Variants in NEK11 observed in about 807,000 individuals in gnomAD.
NEK11 encodes serine/threonine-protein kinase Nek11.
Under a neutral mutation model 80.7 loss-of-function variants are expected in NEK11, and 72 were observed. That is an observed-to-expected ratio of 0.89 (90% CI 0.74 to 1.08). The LOEUF (loss-of-function observed/expected upper bound fraction) is 1.08, where lower values mean the gene tolerates loss of function less well. NEK11 is among the 50% of genes least tolerant of loss of function. The pLI is 0.00. For missense variants in NEK11, 764 were observed against 763.6 expected (o/e 1.00, Z -0.01); for synonymous variants, 251 against 260.7 (o/e 0.96, Z 0.36).
chr3:131,111,779 T>A (rs2080175675), intron 5 of NEK11, among the ~76,000 whole-genome samples: 1 of 152,186 alleles, frequency 6.6e-6, no homozygotes. Context: ...ATAATAGGAC[T>A]CTCCTTGCTT....
Position 131,168,932 on chromosome 3 carries a change from G to C in NEK11, c.1279G>C (p.Glu427Gln). 6.2e-7 allele frequency: 1 copy of C among 1,613,060 alleles called. No individual in the cohort carries two copies. Among genetic ancestry groups the C allele is most frequent in the Non-Finnish European group, 8.5e-7 (1 of 1,179,212 alleles). Residue 427 changes from glutamate (E) to glutamine (Q), a missense_variant, in exon 13 of 18, where the codon GAA (glutamate) becomes CAA (glutamine). Glu to Gln is a conservative substitution (Grantham distance 29). Transcript: ENST00000383366. The stretch of plus-strand genomic sequence containing the variant: ...GGATGAAGAGAGGTGGCAAGGCAGG[G>C]AAGAGGCAAGTTTAATCATATTCAC... ...DEDEERWQGR[E>Q]EESDEPTLEN... is the part of the protein sequence containing the mutation.
chr3:131,175,146 T>A (rs550221864), intron 14 of NEK11: 1 of 973,092 alleles, frequency 1.0e-6, no homozygotes, highest in Non-Finnish European at 1.2e-6. Flanking sequence ...AAATATGTTA[T>A]GTTTTTATTG....
chr3:131,219,969 C>T (rs1412520606), intron 14 of NEK11, among the ~76,000 whole-genome samples: 3 of 152,186 alleles, frequency 2.0e-5, no homozygotes, highest in Non-Finnish European at 4.4e-5. Flanking sequence ...CAATAAGCAA[C>T]GGAGGCAGAA....
chr3:131,195,485 T>A (rs1306136248), intron 14 of NEK11, among the ~76,000 whole-genome samples: 1 of 152,138 alleles, frequency 6.6e-6, no homozygotes, highest in Admixed American at 6.6e-5. Context: ...ACCATGTACC[T>A]AGTTCATGCC....
At chr3:131,127,307 G>C (rs1467795760) in intron 5 of NEK11, among the ~76,000 whole-genome samples, 1 of 151,738 alleles carries the variant, frequency 6.6e-6, no homozygotes, top group African/African-American at 2.4e-5. Context: ...CACCTCAGTT[G>C]AAATACTTTT....
At chr3:131,128,318 T>C (rs764628069) in intron 5 of NEK11, among the ~76,000 whole-genome samples, 11 of 152,206 alleles carry the variant, frequency 7.2e-5, no homozygotes, top group Non-Finnish European at 1.5e-4. Context: ...TTACTCATTC[T>C]TCCCTCCCTC....
chr3:131,093,509 C>A (rs570798050), intron 4 of NEK11, among the ~76,000 whole-genome samples: 1 of 152,032 alleles, frequency 6.6e-6, no homozygotes, highest in African/African-American at 2.4e-5. Context: ...GTGCAATCTC[C>A]GCCTCCTCAG....
intron 3 of NEK11, among the ~76,000 whole-genome samples, chr3:131,036,528 T>G (rs2065674427): frequency 2.0e-5 from 3 of 152,228 alleles, no homozygotes; most frequent in Admixed American, 2.0e-4. Flanking sequence ...CTGCAATAAC[T>G]TGTGAAAGAA....
chr3:131,061,373 G>A (rs1444505227), intron 3 of NEK11, among the ~76,000 whole-genome samples: 1 of 152,158 alleles, frequency 6.6e-6, no homozygotes, highest in African/African-American at 2.4e-5. Context: ...CTTGCATTGG[G>A]TAGAATGTAG....
chr3:131,305,098 T>C, intron 17 of NEK11, among the ~76,000 whole-genome samples: 1 of 151,148 alleles, frequency 6.6e-6, no homozygotes, highest in East Asian at 1.9e-4. Context: ...TGCCCACACA[T>C]TGGTGGAGGG....
intron 3 of NEK11, among the ~76,000 whole-genome samples, chr3:131,051,454 G>T (rs1440242607): frequency 6.6e-6 from 1 of 152,186 alleles, no homozygotes; most frequent in Non-Finnish European, 1.5e-5. Context: ...ATCCCAAACT[G>T]TCAAACAAGT....
At chr3:131,099,922 A>T (rs1419439728) in intron 4 of NEK11, among the ~76,000 whole-genome samples, 2 of 152,154 alleles carry the variant, frequency 1.3e-5, no homozygotes, top group Admixed American at 1.3e-4. Context: ...AAAGAGAGAT[A>T]GCTGACTTCG....
intron 3 of NEK11, among the ~76,000 whole-genome samples, chr3:131,043,379 G>A (rs926925333): frequency 5.9e-5 from 9 of 152,190 alleles, no homozygotes; most frequent in Non-Finnish European, 1.3e-4. Context: ...AATTAGAGGA[G>A]TTGCTAACTA....
At chr3:131,115,907 TTTCTTTCTTTC>T (rs1313119530) in intron 5 of NEK11, among the ~76,000 whole-genome samples, 145 of 27,988 alleles carry the variant, frequency 5.2e-3, no homozygotes, top group Admixed American at 8.1e-3. Context: ...TAGTGTTTTC[TTTCTTTCTTTC>T]TTTCTTTCTT....
intron 14 of NEK11, among the ~76,000 whole-genome samples, chr3:131,213,549 G>C (rs1288154443): frequency 2.6e-5 from 4 of 152,120 alleles, no homozygotes; most frequent in African/African-American, 9.7e-5. Flanking sequence ...AGGAGGGAGA[G>C]GCCGCCTATG....
At chr3:131,246,260 C>G (rs1451549831) in intron 16 of NEK11, among the ~76,000 whole-genome samples, 1 of 152,078 alleles carries the variant, frequency 6.6e-6, no homozygotes, top group Non-Finnish European at 1.5e-5. Flanking sequence ...CCTCCCTCAC[C>G]CTTTCCCCAC....
At chr3:131,271,538 T>C (rs2096184828) in intron 16 of NEK11, among the ~76,000 whole-genome samples, 1 of 152,196 alleles carries the variant, frequency 6.6e-6, no homozygotes, top group African/African-American at 2.4e-5. Context: ...CTCACGCCTG[T>C]AATCCCAGCA....
At chr3:131,246,467 G>A (rs1271571888) in intron 16 of NEK11, among the ~76,000 whole-genome samples, 2 of 152,120 alleles carry the variant, frequency 1.3e-5, no homozygotes, top group Non-Finnish European at 2.9e-5. Context: ...ATTCCGTGGT[G>A]TGTGTACCAC....
At chr3:131,075,419 C>G (rs566803812) in intron 3 of NEK11, among the ~76,000 whole-genome samples, 1 of 151,756 alleles carries the variant, frequency 6.6e-6, no homozygotes, top group South Asian at 2.1e-4. Context: ...CTTTTTTTTC[C>G]CCTACCAGCT....
Sources: allele counts gnomAD v4.1 joint callset (sites outside exome capture counted in the v4.1 genomes callset), GRCh38; gene constraint gnomAD v4.1.1; transcripts MANE v1.5; gene names NCBI Gene and HGNC (gene_info 2026-07-23, HGNC 2026-07-21).